LYPLAL1: variants seen among roughly 807,000 people sequenced by gnomAD.
The protein encoded by LYPLAL1 is lysophospholipase-like protein 1.
Under a neutral mutation model 19.7 loss-of-function variants are expected in LYPLAL1, and 23 were observed. The ratio of observed to expected loss-of-function variants is 1.17; its 90% CI spans 0.84 to 1.65. LYPLAL1 has a LOEUF of 1.65. LYPLAL1 is among the 40% of genes most tolerant of loss of function. The pLI is 0.00. For missense variants in LYPLAL1, 355 were observed against 279.4 expected, an observed-to-expected ratio of 1.27 and a Z score of -1.93; for synonymous variants, 119 against 96.3, an observed-to-expected ratio of 1.24 and a Z score of -1.38.
the LYPLAL1 span, among the ~76,000 whole-genome samples, chr1:219,407,665 G>T: frequency 2.4e-4 from 37 of 152,258 alleles, no homozygotes; most frequent in African/African-American, 8.7e-4. Context: ...TTCATCTTTG[G>T]AGCTGACTTC....
the LYPLAL1 span, among the ~76,000 whole-genome samples, chr1:219,243,973 A>G: frequency 6.6e-6 from 1 of 151,862 alleles, no homozygotes; most frequent in Admixed American, 6.6e-5. Flanking sequence ...GGCTTTTTTA[A>G]GTTACTAACA....
chr1:219,299,717 A>G, the LYPLAL1 span, among the ~76,000 whole-genome samples: 1 of 152,200 alleles, frequency 6.6e-6, no homozygotes, highest in African/African-American at 2.4e-5. Context: ...AGATGGGAAA[A>G]CATGAAGACT....
At chr1:219,334,817 A>G in the LYPLAL1 span, among the ~76,000 whole-genome samples, 129 of 151,850 alleles carry the variant, frequency 8.5e-4, no homozygotes, top group Non-Finnish European at 1.6e-3. Context: ...CTTACCTTAG[A>G]CTTTTAAACT....
At chr1:219,248,626 C>T in the LYPLAL1 span, among the ~76,000 whole-genome samples, 161 of 152,010 alleles carry the variant, frequency 1.1e-3, 2 homozygotes, top group Middle Eastern at 0.027. Flanking sequence ...TTGTTGGTAA[C>T]GATTATTTCA....
chr1:219,393,714 C>T, the LYPLAL1 span, among the ~76,000 whole-genome samples: 1 of 151,346 alleles, frequency 6.6e-6, no homozygotes, highest in Non-Finnish European at 1.5e-5. Context: ...AACTGTTTTT[C>T]AGTAATTTAA....
At chr1:219,432,618 C>G in the LYPLAL1 span, among the ~76,000 whole-genome samples, 2 of 152,200 alleles carry the variant, frequency 1.3e-5, no homozygotes, top group African/African-American at 4.8e-5. Context: ...CATTCAGCCT[C>G]CTGAAGGGGA....
chr1:219,292,372 C>T, the LYPLAL1 span, among the ~76,000 whole-genome samples: 1 of 152,206 alleles, frequency 6.6e-6, no homozygotes, highest in Non-Finnish European at 1.5e-5. Context: ...ATTACATCCT[C>T]CATTTGGAAC....
At chr1:219,418,864 TG>T in the LYPLAL1 span, among the ~76,000 whole-genome samples, 2 of 152,260 alleles carry the variant, frequency 1.3e-5, no homozygotes, top group African/African-American at 4.8e-5. Flanking sequence ...TAAAAAAGTT[TG>T]CCTTTGCTAG....
chr1:219,223,466 T>C, the LYPLAL1 span, among the ~76,000 whole-genome samples: 1 of 152,212 alleles, frequency 6.6e-6, no homozygotes, highest in Admixed American at 6.5e-5. Context: ...ATTCAAAATA[T>C]TGAGTGGACT....
the LYPLAL1 span, among the ~76,000 whole-genome samples, chr1:219,280,876 C>A: frequency 2.0e-5 from 3 of 152,086 alleles, no homozygotes; most frequent in Non-Finnish European, 4.4e-5. Flanking sequence ...CAGCACAACC[C>A]CATCTCTATT....
the LYPLAL1 span, among the ~76,000 whole-genome samples, chr1:219,310,961 G>C: frequency 6.6e-6 from 1 of 152,122 alleles, no homozygotes; most frequent in African/African-American, 2.4e-5. Context: ...TGAAGGTGAA[G>C]CATTTAGCAC....
the LYPLAL1 span, among the ~76,000 whole-genome samples, chr1:219,399,856 T>C: frequency 6.6e-6 from 1 of 152,130 alleles, no homozygotes; most frequent in Non-Finnish European, 1.5e-5. Context: ...TTGGAGCAAG[T>C]TAAGCCCAGG....
intron 3 of LYPLAL1, among the ~76,000 whole-genome samples, chr1:219,205,975 T>A (rs1443831244): frequency 1.3e-5 from 2 of 152,196 alleles, no homozygotes; most frequent in East Asian, 3.8e-4. Context: ...ATAATTTCTG[T>A]ATTCCCAAAT....
chr1:219,246,999 C>T, the LYPLAL1 span, among the ~76,000 whole-genome samples: 11 of 152,190 alleles, frequency 7.2e-5, no homozygotes, highest in Admixed American at 2.0e-4. Context: ...TGAGCACATA[C>T]ACCTTCTTCC....
the LYPLAL1 span, among the ~76,000 whole-genome samples, chr1:219,369,222 G>T: frequency 6.6e-6 from 1 of 152,136 alleles, no homozygotes. Flanking sequence ...TAAAATGAAG[G>T]AAAAAAGTAG....
the LYPLAL1 span, among the ~76,000 whole-genome samples, chr1:219,220,962 C>T: frequency 9.2e-5 from 14 of 152,252 alleles, no homozygotes; most frequent in African/African-American, 1.7e-4. Flanking sequence ...CCCTAGGAGA[C>T]GTCACAGGGC....
the LYPLAL1 span, among the ~76,000 whole-genome samples, chr1:219,244,988 C>T: frequency 6.1e-5 from 9 of 147,704 alleles, no homozygotes; most frequent in East Asian, 1.8e-3. Context: ...TTCCTTTTTT[C>T]CTTGCTTCTT....
chr1:219,197,479 A>C (rs956486784), intron 3 of LYPLAL1, among the ~76,000 whole-genome samples: 3 of 152,228 alleles, frequency 2.0e-5, no homozygotes, highest in Non-Finnish European at 4.4e-5. Context: ...AAACTAACTC[A>C]AGATGGATTA....
chr1:219,281,299 AAAT>A, the LYPLAL1 span, among the ~76,000 whole-genome samples: 4 of 148,476 alleles, frequency 2.7e-5, no homozygotes, highest in Non-Finnish European at 6.0e-5. Flanking sequence ...AAAAAAATAA[AAAT>A]AAAGAGAGAA....
Sources: allele counts gnomAD v4.1 joint callset (sites outside exome capture counted in the v4.1 genomes callset), GRCh38; gene constraint gnomAD v4.1.1; transcripts MANE v1.5; gene names NCBI Gene and HGNC (gene_info 2026-07-23, HGNC 2026-07-21).